GMPR: variants seen among roughly 807,000 people sequenced by gnomAD.
GMPR encodes the protein GMP reductase 1.
In GMPR, 31 loss-of-function variants were observed where a neutral mutation model predicts 38.4. The observed-to-expected ratio is 0.81, with a 90% CI of 0.61 to 1.09. The LOEUF (loss-of-function observed/expected upper bound fraction) is 1.09, where lower values mean the gene tolerates loss of function less well. GMPR is among the 50% of genes least tolerant of loss of function. The probability of loss-of-function intolerance (pLI) is 0.00; values close to 1 mark genes in which losing one functional copy is unlikely to be tolerated. For synonymous variants in GMPR, 162 were observed against 173.3 expected, an observed-to-expected ratio of 0.93 and a Z score of 0.51; for missense variants, 468 against 453.7, an observed-to-expected ratio of 1.03 and a Z score of -0.29.
intron 5 of GMPR, among the ~76,000 whole-genome samples, chr6:16,274,765 C>A (rs1759446423): frequency 6.6e-6 from 1 of 152,004 alleles, no homozygotes; most frequent in Admixed American, 6.6e-5. Flanking sequence ...GTTTCAGAAC[C>A]AATGTGGAAG....
chr6:16,284,001 G>T (rs1041149192), intron 6 of GMPR, among the ~76,000 whole-genome samples: 8 of 152,190 alleles, frequency 5.3e-5, no homozygotes, highest in Non-Finnish European at 7.3e-5. Context: ...TTAACAAGGG[G>T]TATAGAGCCA....
At chr6:16,262,570 G>C (rs1295945563) in intron 4 of GMPR, 1 of 152,066 alleles carries the variant, frequency 6.6e-6, no homozygotes, top group African/African-American at 2.4e-5. Flanking sequence ...TGGAGGCAAG[G>C]AATTGCAACT....
intron 7 of GMPR, among the ~76,000 whole-genome samples, chr6:16,289,312 G>T (rs909402051): frequency 6.6e-6 from 1 of 152,156 alleles, no homozygotes; most frequent in Non-Finnish European, 1.5e-5. Context: ...CACCAGTTCC[G>T]AACACAGTAG....
At chr6:16,252,266 T>G (rs1427332742) in intron 3 of GMPR, among the ~76,000 whole-genome samples, 2 of 152,134 alleles carry the variant, frequency 1.3e-5, no homozygotes, top group Admixed American at 6.6e-5. Flanking sequence ...CTTCTTTTAT[T>G]TTTTTTGTTT....
At chr6:16,255,470 G>A (rs1319990359) in intron 4 of GMPR, among the ~76,000 whole-genome samples, 1 of 152,168 alleles carries the variant, frequency 6.6e-6, no homozygotes, top group Non-Finnish European at 1.5e-5. Context: ...GGGAGTCTAC[G>A]TTATGAACAT....
chr6:16,284,376 C>CA (rs1759635906), intron 6 of GMPR, among the ~76,000 whole-genome samples: 1 of 152,246 alleles, frequency 6.6e-6, no homozygotes, highest in Non-Finnish European at 1.5e-5. Context: ...TGCTCTCCAA[C>CA]TCCAGAGGTG....
chr6:16,280,813 T>C lies in GMPR; in HGVS notation c.654+1923T>C, dbSNP rs180687169. On this transcript the variant is annotated intron_variant, in intron 6 of 8. Transcript: ENST00000259727. ...CTCCATTACCTAATAATGTTAACCA[T>C]TGAGCATCTCCATCAAGTCAAAACT... is the stretch of plus-strand genomic sequence containing the variant. Among the ~76,000 whole-genome samples, 73 of 152,316 alleles carry C rather than the reference T, an allele frequency of 4.8e-4. 1 individual carries two copies. The highest frequency in any genetic ancestry group is 1.6e-3 in the African/African-American group (66 of 41,572).
chr6:16,268,101 C>T (rs995929010), intron 4 of GMPR, among the ~76,000 whole-genome samples: 4 of 152,212 alleles, frequency 2.6e-5, no homozygotes, highest in Non-Finnish European at 4.4e-5. Flanking sequence ...GTGTGTATGG[C>T]TGAGAGCACC....
chr6:16,265,299 C>CTACTTTTGTTGATGTAAAACT (rs1228213958), intron 4 of GMPR, among the ~76,000 whole-genome samples: 1 of 152,124 alleles, frequency 6.6e-6, no homozygotes, highest in Non-Finnish European at 1.5e-5. Context: ...GTAATAGCAC[C>CTACTTTTGTTGATGTAAAACT]TACTTTTGTT....
chr6:16,248,240 A>C lies in GMPR; in HGVS notation c.207+1279A>C, dbSNP rs1292212823. 2.6e-5 allele frequency among the ~76,000 whole-genome samples: 4 copies of C among 150,962 alleles called. No homozygotes were observed. The East Asian group carries it at 7.7e-4, about 29-fold the overall frequency. Reference sequence around the variant, plus strand: ...GCAAGAAGACCCTGTCTCAAAAAAAAAAAAAAAAAAAAAAAAAAATTCATT... The same window carrying C: ...GCAAGAAGACCCTGTCTCAAAAAAACAAAAAAAAAAAAAAAAAAATTCATT... On this transcript the variant is annotated intron_variant, in intron 2 of 8. Coordinates refer to ENST00000259727, the MANE Select transcript of GMPR (RefSeq NM_006877.4).
At chr6:16,287,782 G>A (rs532837261) in intron 7 of GMPR, among the ~76,000 whole-genome samples, 1 of 152,306 alleles carries the variant, frequency 6.6e-6, no homozygotes, top group African/African-American at 2.4e-5. Flanking sequence ...GTCTTAAGAG[G>A]TTGCTGCCAC....
intron 4 of GMPR, among the ~76,000 whole-genome samples, chr6:16,266,395 A>G (rs1581656429): frequency 3.2e-5 from 4 of 125,822 alleles, no homozygotes; most frequent in Non-Finnish European, 3.3e-5. Flanking sequence ...CGGACGTGCC[A>G]CCTTTAAGAG....
At chr6:16,259,072 ATT>A (rs1462694029) in intron 4 of GMPR, 1 of 152,028 alleles carries the variant, frequency 6.6e-6, no homozygotes. Context: ...ATGGCTGTTT[ATT>A]TCACCTGGGT....
intron 4 of GMPR, among the ~76,000 whole-genome samples, chr6:16,266,884 A>C (rs1257315436): frequency 6.6e-6 from 1 of 151,812 alleles, no homozygotes; most frequent in Non-Finnish European, 1.5e-5. Flanking sequence ...TCCGGGAGGA[A>C]CGAACAACTC....
At chr6:16,240,284 C>T (rs1253455110) in intron 1 of GMPR, among the ~76,000 whole-genome samples, 1 of 152,126 alleles carries the variant, frequency 6.6e-6, no homozygotes, top group Non-Finnish European at 1.5e-5. Flanking sequence ...CCTGTAATCC[C>T]AGCACTTTAG....
At position 16,295,159 on chromosome 6, in the gene GMPR, C is replaced by G. The variant is rs149257201; in HGVS notation, c.1011C>G (p.Thr337=). Residue 337 remains threonine (T), a synonymous_variant, in exon 9 of 9, where the codon ACC becomes ACG. Transcript: ENST00000259727. ...GGAGGGCAACATTCATCCGGGTGACCCAGCAGCACAACACCGTGTTCAGCT... is the reference window on the plus strand; with the variant it reads ...GGAGGGCAACATTCATCCGGGTGACGCAGCAGCACAACACCGTGTTCAGCT... ...LSRRATFIRV[T]QQHNTVFS is the part of the protein sequence containing the mutation. 6.5e-7 allele frequency: 1 copy of G among 1,549,202 alleles called. No homozygotes were observed. The highest frequency in any genetic ancestry group is 8.7e-7 in the Non-Finnish European group (1 of 1,154,634).
At chr6:16,250,492 G>C in intron 3 of GMPR, 125 bp downstream of exon 3, 1 of 681,044 alleles carries the variant, frequency 1.5e-6, no homozygotes, top group Non-Finnish European at 2.7e-6. Flanking sequence ...CTAGCCCTGT[G>C]CCATTGCCAG....
chr6:16,282,475 A>G (rs903494148), intron 6 of GMPR, among the ~76,000 whole-genome samples: 6 of 152,282 alleles, frequency 3.9e-5, no homozygotes, highest in Non-Finnish European at 8.8e-5. Context: ...CAGTAATGCT[A>G]TCATCTTAAG....
At position 16,285,826 on chromosome 6, in the gene GMPR, A is replaced by G. The variant is rs1392862566; in HGVS notation, c.688A>G (p.Lys230Glu). 2 of 1,612,260 alleles carry G rather than the reference A, an allele frequency of 1.2e-6. No individual in the cohort carries two copies. Among genetic ancestry groups the G allele is most frequent in the Non-Finnish European group, 1.7e-6 (2 of 1,179,194 alleles). ...CTGTACGTGTCCAGGGGATGTCGCC[A>G]AAGCCTTTGGTAAGGCCGGGCCCTG... is the stretch of plus-strand genomic sequence containing the variant. ...GGCTCPGDVAKAFGAGADFVM... is the reference protein window; with the variant it reads ...GGCTCPGDVAEAFGAGADFVM... Residue 230 changes from lysine to glutamate, a missense_variant, in exon 7 of 9, where the codon AAA becomes GAA. By Grantham distance (56) the Lys-to-Glu change is moderately conservative. Transcript: ENST00000259727.
Sources: gnomAD v4.1 joint callset for allele counts (sites outside exome capture counted in the v4.1 genomes callset) on GRCh38, gnomAD v4.1.1 for gene constraint, MANE v1.5 for transcripts, NCBI Gene and HGNC (gene_info 2026-07-23, HGNC 2026-07-21) for gene names.